The following HIPK2 variants were observed in gnomAD, a reference collection of about 807,000 sequenced individuals.
The protein encoded by HIPK2 is homeodomain interacting protein kinase 2, also known as homeodomain-interacting protein kinase 2.
HIPK2 carries 27 observed loss-of-function variants against 113.7 expected under a neutral mutation model. That is an observed-to-expected ratio of 0.24 (90% CI 0.17 to 0.33). The LOEUF is 0.33. HIPK2 is among the 10% of genes least tolerant of loss of function. The pLI is 1.00. For missense variants in HIPK2, 1,257 were observed against 1,588.0 expected (o/e 0.79, Z 3.54); for synonymous variants, 631 against 642.2 (o/e 0.98, Z 0.26).
At chr7:139,705,798 C>T (rs1355460403) in intron 2 of HIPK2, among the ~76,000 whole-genome samples, 1 of 121,262 alleles carries the variant, frequency 8.2e-6, no homozygotes, top group Admixed American at 8.7e-5. Flanking sequence ...AATGATAATA[C>T]AAATAATAAC....
chr7:139,618,633 T>C (rs377757990), intron 7 of HIPK2, among the ~76,000 whole-genome samples: 2 of 152,184 alleles, frequency 1.3e-5, no homozygotes, highest in East Asian at 3.9e-4. Flanking sequence ...ATGCTGGCTG[T>C]CATATCACCA....
In HIPK2 at chr7:139,564,092, T is replaced by C; in HGVS notation, c.*8835A>G. On this transcript the variant is annotated 3_prime_UTR_variant, in exon 15 of 15. Coordinates refer to ENST00000406875, the MANE Select transcript of HIPK2 (RefSeq NM_022740.5). ...GCCTCCTCCTGCTCAGCCCTGACCA[T>C]CTCTGAGAGGATGCTAAGGTCCCCC... The C allele has an allele frequency of 2.5e-6, 1 of 397,652 alleles. No homozygotes were observed. Among genetic ancestry groups the C allele is most frequent in the Non-Finnish European group, 4.4e-6 (1 of 226,010 alleles). 24.6% of individuals were successfully genotyped at this position (397,652 alleles called of 1,614,324 possible). A position where few individuals can be genotyped will look rare whatever the true frequency, so the allele number is the denominator to read the frequency against.
intron 1 of HIPK2, chr7:139,721,882 A>G: frequency 5.0e-6 from 1 of 199,880 alleles, no homozygotes; most frequent in Non-Finnish European, 1.1e-5. Context: ...CCTGACCCAG[A>G]CTTTTCCACA....
chr7:139,752,317 C>T (rs1796291463), intron 1 of HIPK2, among the ~76,000 whole-genome samples: 1 of 152,244 alleles, frequency 6.6e-6, no homozygotes, highest in African/African-American at 2.4e-5. Context: ...CATCGCCCAC[C>T]CTGGGAGCTC....
At position 139,571,426 on chromosome 7, in the gene HIPK2, AG is replaced by A. The variant is rs992558726; in HGVS notation, c.*1500del. ...GGCGGAACTGGGGACAGAGTGGGGC[AG>A]GGGTGAAGGGTGGGGAGTCTCTCTG... On this transcript the variant is annotated 3_prime_UTR_variant, in exon 15 of 15. Transcript: ENST00000406875. 1.3e-4 allele frequency: 20 copies of A among 152,214 alleles called. No homozygotes were observed. Among genetic ancestry groups the A allele is most frequent in the Non-Finnish European group, 2.5e-4 (17 of 68,056 alleles). 9.4% of individuals were successfully genotyped at this position (152,214 alleles called of 1,614,324 possible). A position where few individuals can be genotyped will look rare whatever the true frequency, so the allele number is the denominator to read the frequency against.
At chr7:139,588,345 AAAAAAACAAAAAAAC>A (rs1798906172) in intron 12 of HIPK2, among the ~76,000 whole-genome samples, 1 of 151,248 alleles carries the variant, frequency 6.6e-6, no homozygotes, top group Admixed American at 6.6e-5. Context: ...CTGCTGAAAA[AAAAAAACAAAAAAAC>A]AAAAAACAAT....
intron 1 of HIPK2, among the ~76,000 whole-genome samples, chr7:139,760,351 C>T (rs59926217): frequency 6.6e-6 from 1 of 152,076 alleles, no homozygotes. Context: ...CATTACCCAT[C>T]TTAAAAAAGC....
chr7:139,760,066 G>T (rs1796439441), intron 1 of HIPK2, among the ~76,000 whole-genome samples: 1 of 150,966 alleles, frequency 6.6e-6, no homozygotes, highest in Non-Finnish European at 1.5e-5. Flanking sequence ...GCAGTGGCGT[G>T]ATCTTGACTC....
chr7:139,708,888 G>A (rs968672556), intron 2 of HIPK2, among the ~76,000 whole-genome samples: 3 of 152,138 alleles, frequency 2.0e-5, no homozygotes, highest in Non-Finnish European at 4.4e-5. Flanking sequence ...AAACTGTGTC[G>A]CCTGAGTCTG....
At chr7:139,756,303 T>G (rs1796361928) in intron 1 of HIPK2, among the ~76,000 whole-genome samples, 2 of 152,256 alleles carry the variant, frequency 1.3e-5, no homozygotes, top group South Asian at 4.1e-4. Context: ...GAAATATTTC[T>G]TCTTCAATAT....
rs550104808 is a variant in HIPK2 at position 139,652,426 on chromosome 7, C to T, written c.1104-20701G>A. Among the ~76,000 whole-genome samples, 264 of 152,284 alleles carry T rather than the reference C, an allele frequency of 1.7e-3. 2 individuals are homozygous for T. The highest frequency in any genetic ancestry group is 6.0e-3 in the African/African-American group (250 of 41,534). ...TTCAATCACTGATATTTATTGAGCT[C>T]CCAGCATGTTCAAGACTCTGCTAGA... On this transcript the variant is annotated intron_variant, in intron 2 of 14. Transcript: ENST00000406875.
At chr7:139,749,778 TGCA>T (rs1176268974) in intron 1 of HIPK2, among the ~76,000 whole-genome samples, 1 of 152,200 alleles carries the variant, frequency 6.6e-6, no homozygotes, top group Non-Finnish European at 1.5e-5. Flanking sequence ...GCTTGTTCCC[TGCA>T]CCCTCCTCTG....
chr7:139,653,695 G>C (rs550164847), intron 2 of HIPK2, among the ~76,000 whole-genome samples: 7 of 151,822 alleles, frequency 4.6e-5, no homozygotes, highest in South Asian at 2.1e-4. Context: ...TTCCAAAGGT[G>C]GGGGGAACAA....
At chr7:139,741,318 T>TA (rs1796093678) in intron 1 of HIPK2, among the ~76,000 whole-genome samples, 2 of 152,118 alleles carry the variant, frequency 1.3e-5, no homozygotes, top group African/African-American at 4.8e-5. Flanking sequence ...GGTTTCATCT[T>TA]AGAGTCACTG....
intron 1 of HIPK2, among the ~76,000 whole-genome samples, chr7:139,775,982 A>G (rs536971582): frequency 2.0e-5 from 3 of 152,308 alleles, no homozygotes; most frequent in African/African-American, 7.2e-5. Flanking sequence ...TGTCCAGCAG[A>G]GGGAGTCTCA....
Position 139,777,789 on chromosome 7 carries a change from G to A in HIPK2, c.-166C>T, listed in dbSNP as rs1796813259. On this transcript the variant is annotated 5_prime_UTR_variant, in exon 1 of 15. Transcript: ENST00000406875. The stretch of plus-strand genomic sequence containing the variant: ...TCACCGCCTCCCGTGGCCGGCGCCG[G>A]GGGAGGGGGCCGGGCGCGCCGCCGC... 1.3e-5 allele frequency: 7 copies of A among 540,868 alleles called. No homozygotes were observed. Among genetic ancestry groups the A allele is most frequent in the East Asian group, 1.4e-4 (1 of 7,062 alleles). The allele number at this position is 540,868 out of a possible 1,614,324, so 33.5% of individuals were successfully genotyped here.
rs1163350996 is a variant in HIPK2 at position 139,562,410 on chromosome 7, G to A, written c.*10517C>T. The A allele has an allele frequency of 1.3e-5, 2 of 152,276 alleles. No individual in the cohort carries two copies. Among genetic ancestry groups the A allele is most frequent in the East Asian group, 3.9e-4 (2 of 5,188 alleles). 9.4% of individuals were successfully genotyped at this position (152,276 alleles called of 1,614,324 possible). A position where few individuals can be genotyped will look rare whatever the true frequency, so the allele number is the denominator to read the frequency against. On this transcript the variant is annotated 3_prime_UTR_variant, in exon 15 of 15. Coordinates refer to ENST00000406875, the MANE Select transcript of HIPK2 (RefSeq NM_022740.5). Reference sequence around the variant, plus strand: ...TCTCCTCTTCCCTGTTCTCATTTTGGGGAGTGAGTCTTTCTATCCAGTGTC... The same window carrying A: ...TCTCCTCTTCCCTGTTCTCATTTTGAGGAGTGAGTCTTTCTATCCAGTGTC...
intron 2 of HIPK2, among the ~76,000 whole-genome samples, chr7:139,695,237 C>G (rs1794528300): frequency 6.6e-6 from 1 of 152,212 alleles, no homozygotes. Flanking sequence ...ATTAGAGGAG[C>G]AGGCTGCTTG....
rs191428253 is a variant in HIPK2, at chr7:139,623,198, C to T, written c.1620-2635G>A. On this transcript the variant is annotated intron_variant, in intron 6 of 14. Coordinates refer to ENST00000406875, the MANE Select transcript of HIPK2 (RefSeq NM_022740.5). Reference sequence around the variant, plus strand: ...ACAGATGGACAGCTCTGTGGCTGACCCCTATGGCACTCAGAAACAGGACAA... The same window carrying T: ...ACAGATGGACAGCTCTGTGGCTGACTCCTATGGCACTCAGAAACAGGACAA... Among the ~76,000 whole-genome samples the T allele has an allele frequency of 3.4e-4, 51 of 152,108 alleles. No individual in the cohort carries two copies. In the East Asian group the frequency reaches 8.9e-3, roughly 26 times the overall value.
Sources: allele counts gnomAD v4.1 joint callset (sites outside exome capture counted in the v4.1 genomes callset), GRCh38; gene constraint gnomAD v4.1.1; transcripts MANE v1.5; gene names NCBI Gene and HGNC (gene_info 2026-07-23, HGNC 2026-07-21).